The following PEX5L variants were observed in gnomAD, a reference collection of about 807,000 sequenced individuals.
PEX5L encodes the protein PEX5-related protein.
A neutral mutation model predicts 84.0 loss-of-function variants in PEX5L; 30 were observed. The observed-to-expected ratio is 0.36, with a 90% confidence interval of 0.27 to 0.48. The LOEUF (loss-of-function observed/expected upper bound fraction) is 0.48. Ranked by LOEUF, PEX5L falls within the 20% of genes least tolerant of loss-of-function variation. The probability of loss-of-function intolerance (pLI) is 0.99; values close to 1 mark genes in which losing one functional copy is unlikely to be tolerated. For synonymous variants in PEX5L, 270 were observed against 283.1 expected (o/e 0.95, Z 0.46); for missense variants, 533 against 754.6 (o/e 0.71, Z 3.44).
At chr3:179,952,160 G>C (rs1321590220) in intron 2 of PEX5L, among the ~76,000 whole-genome samples, 2 of 152,128 alleles carry the variant, frequency 1.3e-5, no homozygotes, top group Non-Finnish European at 2.9e-5. Context: ...CCAAAGCAAA[G>C]GTAGCCTTGT....
At chr3:179,854,611 T>C (rs570335419) in intron 8 of PEX5L, among the ~76,000 whole-genome samples, 5 of 152,328 alleles carry the variant, frequency 3.3e-5, no homozygotes, top group African/African-American at 1.2e-4. Context: ...GATACAGTTA[T>C]GTTGGAAGGT....
chr3:180,027,413 C>T (rs149873962), intron 1 of PEX5L, among the ~76,000 whole-genome samples: 6 of 152,328 alleles, frequency 3.9e-5, no homozygotes, highest in East Asian at 3.9e-4. Context: ...CCCATAAACC[C>T]TTTCCCCAGA....
intron 2 of PEX5L, chr3:179,902,088 T>C (rs1194515121): frequency 1.3e-5 from 2 of 152,302 alleles, no homozygotes; most frequent in Non-Finnish European, 1.5e-5. Flanking sequence ...GGCACTCTGG[T>C]AAATGTTTGA....
At chr3:179,845,710 A>G (rs1342355407) in intron 8 of PEX5L, among the ~76,000 whole-genome samples, 1 of 152,134 alleles carries the variant, frequency 6.6e-6, no homozygotes, top group Non-Finnish European at 1.5e-5. Flanking sequence ...TCAGCAATGT[A>G]TATTTGTTTC....
intron 2 of PEX5L, among the ~76,000 whole-genome samples, chr3:179,969,000 C>G (rs1027471202): frequency 7.9e-5 from 12 of 152,114 alleles, no homozygotes; most frequent in African/African-American, 2.9e-4. Flanking sequence ...CATGGTGCTG[C>G]TTCTGTTATT....
chr3:179,973,579 T>G, intron 1 of PEX5L: 7 of 981,678 alleles, frequency 7.1e-6, no homozygotes, highest in Non-Finnish European at 8.5e-6. Flanking sequence ...TTCAGCCTCC[T>G]CATCATAAAA....
At chr3:179,802,532 C>CAAAAAAAA (rs369244711) in intron 14 of PEX5L, among the ~76,000 whole-genome samples, 11 of 73,882 alleles carry the variant, frequency 1.5e-4, no homozygotes, top group African/African-American at 2.1e-4. Flanking sequence ...GAGACTGTCT[C>CAAAAAAAA]AAAAAAAAAA....
chr3:179,826,890 C>T (rs1335015356), intron 8 of PEX5L, among the ~76,000 whole-genome samples: 2 of 152,062 alleles, frequency 1.3e-5, no homozygotes, highest in Non-Finnish European at 2.9e-5. Flanking sequence ...CAAGCCAGAA[C>T]AAAAATATCT....
intron 1 of PEX5L, chr3:179,973,339 A>C: frequency 1.6e-6 from 2 of 1,228,760 alleles, no homozygotes; most frequent in Non-Finnish European, 2.1e-6. Flanking sequence ...AACAGCATTA[A>C]TAATGTACAA....
chr3:179,906,624 T>C (rs867997378), intron 2 of PEX5L, among the ~76,000 whole-genome samples: 7 of 152,230 alleles, frequency 4.6e-5, no homozygotes, highest in African/African-American at 1.4e-4. Flanking sequence ...GTGTGAAATA[T>C]GTAACAAAAA....
chr3:179,944,890 C>T (rs992490511), intron 2 of PEX5L, among the ~76,000 whole-genome samples: 2 of 152,272 alleles, frequency 1.3e-5, no homozygotes, highest in East Asian at 1.9e-4. Context: ...AGTAAGTGGG[C>T]AGAATCAGGA....
At chr3:179,842,370 G>A (rs540122996) in intron 8 of PEX5L, among the ~76,000 whole-genome samples, 3 of 152,098 alleles carry the variant, frequency 2.0e-5, no homozygotes, top group Non-Finnish European at 2.9e-5. Flanking sequence ...ATAAATATAC[G>A]AAGAACAAAT....
At chr3:179,938,986 C>T (rs2109765238) in intron 2 of PEX5L, among the ~76,000 whole-genome samples, 1 of 152,302 alleles carries the variant, frequency 6.6e-6, no homozygotes, top group East Asian at 1.9e-4. Context: ...GAGCATAAAA[C>T]ACGAGCCCTG....
intron 2 of PEX5L, among the ~76,000 whole-genome samples, chr3:179,909,395 A>T (rs1212338648): frequency 6.6e-6 from 1 of 152,214 alleles, no homozygotes. Context: ...TGCGTTATCC[A>T]TGAGCAAATT....
At chr3:179,915,187 A>AT (rs1293016390) in intron 2 of PEX5L, among the ~76,000 whole-genome samples, 4 of 152,146 alleles carry the variant, frequency 2.6e-5, no homozygotes, top group African/African-American at 7.2e-5. Flanking sequence ...TTGTTGAATG[A>AT]TTTTTTAAAA....
intron 1 of PEX5L, among the ~76,000 whole-genome samples, chr3:179,972,509 C>T (rs1410752044): frequency 2.0e-5 from 3 of 151,932 alleles, no homozygotes; most frequent in African/African-American, 4.8e-5. Context: ...TGTCTTCATA[C>T]CAGCAACAAA....
chr3:179,939,818 G>A (rs895156015), intron 2 of PEX5L, among the ~76,000 whole-genome samples: 2 of 152,182 alleles, frequency 1.3e-5, no homozygotes, highest in Non-Finnish European at 2.9e-5. Context: ...GTCCTGAGAA[G>A]AGCAGGTCTG....
At chr3:179,830,193 A>C (rs1732258567) in intron 8 of PEX5L, among the ~76,000 whole-genome samples, 1 of 151,902 alleles carries the variant, frequency 6.6e-6, no homozygotes, top group Non-Finnish European at 1.5e-5. Context: ...AGGGGGGAAA[A>C]AACCTGTTTC....
In PEX5L at chr3:179,802,034, TAAG is replaced by T; in HGVS notation, c.1677-5_1677-3del. On this transcript the variant is annotated splice_region_variant and splice_polypyrimidine_tract_variant and intron_variant, in intron 14 of 14. Transcript: ENST00000467460. ...GTGAGAAAATTGCTGACCGCTTCTC[TAAG>T]AAGGTAGAAAAACATATTTTAAAAT... The T allele has an allele frequency of 6.2e-7, 1 of 1,603,030 alleles. No individual in the cohort carries two copies. Among genetic ancestry groups the T allele is most frequent in the Non-Finnish European group, 8.5e-7 (1 of 1,170,250 alleles).
Sources: gnomAD v4.1 joint callset for allele counts (sites outside exome capture counted in the v4.1 genomes callset) on GRCh38, gnomAD v4.1.1 for gene constraint, MANE v1.5 for transcripts, NCBI Gene and HGNC (gene_info 2026-07-23, HGNC 2026-07-21) for gene names.